The following FILIP1L variants were observed in gnomAD, a reference collection of about 807,000 sequenced individuals.
FILIP1L encodes the protein filamin A interacting protein 1 like.
A neutral mutation model predicts 96.6 loss-of-function variants in FILIP1L; 55 were observed. The observed-to-expected ratio is 0.57, with a 90% CI of 0.46 to 0.71. The LOEUF is 0.71. Among genes scored for constraint, FILIP1L ranks in the 30% least tolerant of loss-of-function variants. The probability of loss-of-function intolerance (pLI) is 0.00; values close to 1 mark genes in which losing one functional copy is unlikely to be tolerated. For missense variants in FILIP1L, 1,304 were observed against 1,321.2 expected, an observed-to-expected ratio of 0.99 and a Z score of 0.20; for synonymous variants, 467 against 473.9, an observed-to-expected ratio of 0.99 and a Z score of 0.19.
chr3:99,938,090 C>T (rs371768353), intron 1 of FILIP1L, among the ~76,000 whole-genome samples: 129 of 150,332 alleles, frequency 8.6e-4, no homozygotes, highest in Non-Finnish European at 1.2e-3. Flanking sequence ...CGCGCGCGCG[C>T]GTGCATGCAC....
chr3:100,098,711 A>C (rs112612971), intron 1 of FILIP1L, among the ~76,000 whole-genome samples: 229 of 152,336 alleles, frequency 1.5e-3, no homozygotes, highest in African/African-American at 5.1e-3. Flanking sequence ...CTTCTGAAGA[A>C]TGTTGAATGT....
chr3:99,834,694 A>G (rs115008419), intron 5 of FILIP1L, among the ~76,000 whole-genome samples: 2 of 150,164 alleles, frequency 1.3e-5, no homozygotes, highest in African/African-American at 4.9e-5. Flanking sequence ...TGTCTTTCTC[A>G]TTTCTTCATT....
At chr3:100,074,885 G>T (rs754877353) in intron 1 of FILIP1L, among the ~76,000 whole-genome samples, 28 of 151,262 alleles carry the variant, frequency 1.9e-4, no homozygotes, top group Middle Eastern at 3.4e-3. Flanking sequence ...ATAGAGACAG[G>T]GTTTCGCCGT....
In FILIP1L at chr3:99,991,896, G is replaced by GTA. The variant is rs1217251406; in HGVS notation, c.-10-60868_-10-60867dup. Among the ~76,000 whole-genome samples, 79 of 147,596 alleles carry GTA rather than the reference G, an allele frequency of 5.4e-4. 3 individuals carry two copies. Among genetic ancestry groups the GTA allele is most frequent in the Non-Finnish European group, 1.0e-4 (7 of 66,958 alleles). Reference sequence around the variant, plus strand: ...TACACACATATATGTATATATGTGTGTATATATATACATATATAGGTATAT... The same window carrying GTA: ...TACACACATATATGTATATATGTGTGTATATATATATACATATATAGGTATAT... On this transcript the variant is annotated intron_variant, in intron 1 of 5. Coordinates refer to ENST00000477258, the MANE Select transcript of FILIP1L (RefSeq NM_001387850.1).
intron 1 of FILIP1L, among the ~76,000 whole-genome samples, chr3:99,988,217 G>T (rs1256179396): frequency 1.3e-5 from 2 of 151,378 alleles, no homozygotes; most frequent in African/African-American, 2.4e-5. Flanking sequence ...CTGAAATTTG[G>T]CCGGGCGCAG....
intron 1 of FILIP1L, among the ~76,000 whole-genome samples, chr3:100,049,814 A>AAT (rs1444001790): frequency 6.6e-6 from 1 of 152,210 alleles, no homozygotes; most frequent in African/African-American, 2.4e-5. Context: ...TACTGTTTAT[A>AAT]ATATATATAC....
intron 1 of FILIP1L, among the ~76,000 whole-genome samples, chr3:100,056,993 G>C (rs548916271): frequency 1.3e-5 from 2 of 152,076 alleles, no homozygotes; most frequent in African/African-American, 4.8e-5. Flanking sequence ...AACAGAGCGA[G>C]ACTCTGTCTC....
At chr3:100,023,794 C>G (rs1199485515) in intron 1 of FILIP1L, among the ~76,000 whole-genome samples, 1 of 152,200 alleles carries the variant, frequency 6.6e-6, no homozygotes, top group African/African-American at 2.4e-5. Flanking sequence ...GCATGTCTTA[C>G]TCTCAGGAAA....
At chr3:100,044,266 T>C (rs2065247186) in intron 1 of FILIP1L, among the ~76,000 whole-genome samples, 1 of 152,258 alleles carries the variant, frequency 6.6e-6, no homozygotes, top group Non-Finnish European at 1.5e-5. Context: ...GTTTACAAGA[T>C]TGACATGGTC....
At chr3:99,994,327 T>A (rs1046302014) in intron 1 of FILIP1L, among the ~76,000 whole-genome samples, 3 of 152,166 alleles carry the variant, frequency 2.0e-5, no homozygotes, top group Admixed American at 6.5e-5. Flanking sequence ...AGACAGATCA[T>A]CAAGTCAGAA....
At chr3:99,932,138 T>C (rs1707501461) in intron 1 of FILIP1L, among the ~76,000 whole-genome samples, 1 of 152,188 alleles carries the variant, frequency 6.6e-6, no homozygotes. Flanking sequence ...TACTGTATTA[T>C]AGATGTATTA....
chr3:99,925,872 T>C, intron 3 of FILIP1L: 1 of 985,446 alleles, frequency 1.0e-6, no homozygotes, highest in Non-Finnish European at 1.2e-6. Flanking sequence ...GTTTATCAGC[T>C]CCTGGCCTTG....
intron 4 of FILIP1L, among the ~76,000 whole-genome samples, chr3:99,912,099 G>T (rs1411032702): frequency 1.3e-5 from 2 of 152,032 alleles, no homozygotes; most frequent in African/African-American, 2.4e-5. Context: ...TATCTATCTT[G>T]TTGGTCATTT....
chr3:100,003,219 A>AT (rs1408419468), intron 1 of FILIP1L, among the ~76,000 whole-genome samples: 2 of 152,212 alleles, frequency 1.3e-5, no homozygotes, highest in African/African-American at 4.8e-5. Context: ...AGTGGACTTC[A>AT]TACCAATGAC....
chr3:100,061,738 C>G (rs1295065078), intron 1 of FILIP1L, among the ~76,000 whole-genome samples: 6 of 152,182 alleles, frequency 3.9e-5, no homozygotes, highest in Admixed American at 6.5e-5. Flanking sequence ...TCCTCCCATT[C>G]TGAGGTGAGA....
chr3:99,846,144 C>A (rs771942492), intron 5 of FILIP1L, among the ~76,000 whole-genome samples: 2 of 152,108 alleles, frequency 1.3e-5, no homozygotes, highest in Admixed American at 1.3e-4. Flanking sequence ...GAATGGATTT[C>A]TTCCCTCCCC....
chr3:99,856,177 G>T (rs566251243), intron 4 of FILIP1L, among the ~76,000 whole-genome samples: 2 of 152,334 alleles, frequency 1.3e-5, no homozygotes, highest in African/African-American at 4.8e-5. Flanking sequence ...GCTTTCTATA[G>T]TTGTACCTTT....
intron 1 of FILIP1L, chr3:100,040,269 C>T (rs1041470305): frequency 6.6e-6 from 1 of 152,086 alleles, no homozygotes; most frequent in Non-Finnish European, 1.5e-5. Context: ...TTGCATATTT[C>T]ATTTGCATAA....
At chr3:99,907,309 G>A (rs959946330) in intron 4 of FILIP1L, among the ~76,000 whole-genome samples, 7 of 151,828 alleles carry the variant, frequency 4.6e-5, no homozygotes, top group Middle Eastern at 3.2e-3. Flanking sequence ...GTGCAGTGGC[G>A]CAATCTCAGC....
Sources: allele counts gnomAD v4.1 joint callset (sites outside exome capture counted in the v4.1 genomes callset), GRCh38; gene constraint gnomAD v4.1.1; transcripts MANE v1.5; gene names NCBI Gene and HGNC (gene_info 2026-07-23, HGNC 2026-07-21).